The following PHF20L1 variants were observed in gnomAD, a reference collection of about 807,000 sequenced individuals.
PHF20L1 encodes the protein PHD finger protein 20 like 1.
A neutral mutation model predicts 125.5 loss-of-function variants in PHF20L1; 44 were observed. The observed-to-expected ratio is 0.35, with a 90% CI of 0.28 to 0.45. The LOEUF is 0.45. Among genes scored for constraint, PHF20L1 ranks in the 20% least tolerant of loss-of-function variants. PHF20L1 has a pLI of 1.00. For missense variants in PHF20L1, 1,012 were observed against 1,217.2 expected (o/e 0.83, Z 2.51); for synonymous variants, 380 against 403.1 (o/e 0.94, Z 0.69).
At chr8:132,824,911 A>G (rs1353060311) in intron 13 of PHF20L1, 12 of 576,070 alleles carry the variant, frequency 2.1e-5, no homozygotes, top group Non-Finnish European at 3.0e-5. Context: ...TAAATTACAT[A>G]TGGAAATGCT....
chr8:132,818,890 T>A (rs1432153877), intron 12 of PHF20L1: 1 of 151,948 alleles, frequency 6.6e-6, no homozygotes, highest in African/African-American at 2.4e-5. Context: ...CAAATGTACA[T>A]GTGAAAATAT....
At chr8:132,785,431 T>G (rs189457444) in intron 2 of PHF20L1, among the ~76,000 whole-genome samples, 1 of 152,030 alleles carries the variant, frequency 6.6e-6, no homozygotes, top group Non-Finnish European at 1.5e-5. Flanking sequence ...TTTAAGTGAT[T>G]TCTTTTAAGC....
intron 2 of PHF20L1, among the ~76,000 whole-genome samples, chr8:132,787,172 TAGTG>T (rs1314733937): frequency 2.0e-5 from 3 of 151,856 alleles, no homozygotes. Context: ...TGGGAGAAGG[TAGTG>T]AGTACAAAGG....
At chr8:132,787,163 G>C (rs969148558) in intron 2 of PHF20L1, among the ~76,000 whole-genome samples, 3 of 151,984 alleles carry the variant, frequency 2.0e-5, no homozygotes, top group African/African-American at 7.3e-5. Context: ...TGCTTGTGGT[G>C]GGAGAAGGTA....
intron 5 of PHF20L1, 43 bp from the exon 6 acceptor site, chr8:132,799,052 G>A (rs1832735003): frequency 6.5e-7 from 1 of 1,532,794 alleles, no homozygotes; most frequent in Non-Finnish European, 9.0e-7. Flanking sequence ...TGCTTCTTTG[G>A]TTTAGACCTG....
intron 4 of PHF20L1, among the ~76,000 whole-genome samples, chr8:132,796,232 G>T (rs1832372386): frequency 6.6e-6 from 1 of 152,132 alleles, no homozygotes; most frequent in Admixed American, 6.6e-5. Context: ...GGAACTGCAG[G>T]TTGCTTAGAA....
intron 8 of PHF20L1, chr8:132,809,681 T>G (rs763209454): frequency 6.6e-6 from 1 of 152,218 alleles, no homozygotes; most frequent in Admixed American, 6.5e-5. Flanking sequence ...AGTTGTCAGT[T>G]GTTAAACATG....
At chr8:132,811,451 G>T in intron 9 of PHF20L1, 1 of 1,012,062 alleles carries the variant, frequency 9.9e-7, no homozygotes, top group Non-Finnish European at 1.2e-6. Flanking sequence ...CTTTCCATTT[G>T]TGAGTTAAAA....
intron 9 of PHF20L1, among the ~76,000 whole-genome samples, chr8:132,813,998 T>C (rs1834682223): frequency 6.6e-6 from 1 of 151,920 alleles, no homozygotes. Flanking sequence ...TTTGTTGTTG[T>C]TGCTTGTTTT....
At chr8:132,784,750 G>C (rs1830820986) in intron 2 of PHF20L1, among the ~76,000 whole-genome samples, 1 of 152,152 alleles carries the variant, frequency 6.6e-6, no homozygotes, top group Admixed American at 6.5e-5. Flanking sequence ...CCATTGTCTT[G>C]CATAGATTTC....
intron 15 of PHF20L1, among the ~76,000 whole-genome samples, chr8:132,834,957 A>G (rs912202150): frequency 2.0e-5 from 3 of 152,100 alleles, no homozygotes; most frequent in Non-Finnish European, 2.9e-5. Context: ...CAAAACATTC[A>G]AAAACATTGA....
Position 132,842,842 on chromosome 8 carries a change from G to A in PHF20L1, c.2715G>A (p.Gln905=), listed in dbSNP as rs773824114. The part of the protein sequence containing the change: ...EFHMRSKNSL[Q]YSAKEHGMPE... The stretch of plus-strand genomic sequence containing the variant: ...ACATGAGAAGTAAAAACAGTTTACA[G>A]TACTCAGCAAAAGAACATGGAATGC... Residue 905 remains glutamine (Q), a synonymous_variant, in exon 19 of 21, where the codon CAG becomes CAA. Transcript: ENST00000395386. The A allele has an allele frequency of 5.6e-6, 9 of 1,611,506 alleles. No individual in the cohort carries two copies. Among genetic ancestry groups the A allele is most frequent in the Non-Finnish European group, 6.8e-6 (8 of 1,178,612 alleles).
At chr8:132,800,472 A>G (rs1832919506) in intron 6 of PHF20L1, among the ~76,000 whole-genome samples, 2 of 151,276 alleles carry the variant, frequency 1.3e-5, no homozygotes, top group Non-Finnish European at 3.0e-5. Flanking sequence ...CATCAAAGAA[A>G]TATGCCAAAT....
In PHF20L1 at chr8:132,817,437, T is replaced by G; in HGVS notation, c.1471T>G (p.Ser491Ala). The G allele has an allele frequency of 6.2e-7, 1 of 1,612,682 alleles. No homozygotes were observed. The highest frequency in any genetic ancestry group is 8.5e-7 in the Non-Finnish European group (1 of 1,179,190). The change falls in exon 12 of 21, where the codon TCC becomes GCC. Residue 491 changes from serine to alanine, a missense_variant. By Grantham distance (99) the Ser-to-Ala change is moderately conservative. Transcript: ENST00000395386. ...AGTTACAGCACCGGTAGCCTCAGAT[T>G]CCTCTTACCGTAATGAATGTCCCAG... ...SEVTAPVASD[S>A]SYRNECPRAE... is the part of the protein sequence containing the mutation.
At chr8:132,821,761 CCT>C (rs964147613) in intron 12 of PHF20L1, among the ~76,000 whole-genome samples, 65 of 151,834 alleles carry the variant, frequency 4.3e-4, no homozygotes, top group African/African-American at 1.5e-3. Context: ...CAGAGATCTG[CCT>C]CTCTGACTCT....
At chr8:132,809,107 C>T (rs1210084996) in intron 8 of PHF20L1, 1 of 151,778 alleles carries the variant, frequency 6.6e-6, no homozygotes, top group African/African-American at 2.4e-5. Context: ...GTACCTTTTG[C>T]TTAATTTAGA....
At chr8:132,777,467 G>A (rs1057242609) in intron 1 of PHF20L1, among the ~76,000 whole-genome samples, 3 of 152,150 alleles carry the variant, frequency 2.0e-5, no homozygotes, top group African/African-American at 7.2e-5. Flanking sequence ...CTCTCCCCGT[G>A]GAGAATTTTC....
chr8:132,776,550 A>C (rs7000972), intron 1 of PHF20L1, among the ~76,000 whole-genome samples: 2,719 of 152,230 alleles, frequency 0.018, 81 homozygotes, highest in African/African-American at 0.061. Flanking sequence ...TAGCAGGAGG[A>C]TACCCACTCT....
At chr8:132,831,676 G>A (rs1836795874) in intron 14 of PHF20L1, among the ~76,000 whole-genome samples, 1 of 151,616 alleles carries the variant, frequency 6.6e-6, no homozygotes, top group African/African-American at 2.4e-5. Flanking sequence ...TGGTACAAAA[G>A]TACCTCAATT....
Sources: gnomAD v4.1 joint callset for allele counts (sites outside exome capture counted in the v4.1 genomes callset) on GRCh38, gnomAD v4.1.1 for gene constraint, MANE v1.5 for transcripts, NCBI Gene and HGNC (gene_info 2026-07-23, HGNC 2026-07-21) for gene names.